HOXC5: variants seen among roughly 807,000 people sequenced by gnomAD.
The protein encoded by HOXC5 is homeobox C5.
Under a neutral mutation model 20.1 loss-of-function variants are expected in HOXC5, and 19 were observed. That is an observed-to-expected ratio of 0.94 (90% CI 0.66 to 1.38). The LOEUF (loss-of-function observed/expected upper bound fraction) is 1.38. HOXC5 is among the 40% of genes most tolerant of loss of function. HOXC5 has a pLI of 0.00. For synonymous variants in HOXC5, 124 were observed against 117.0 expected (o/e 1.06, Z -0.39); for missense variants, 330 against 300.1 (o/e 1.10, Z -0.74).
At chr12:54,031,964 C>T (rs1941003962), upstream of HOXC5, among the ~76,000 whole-genome samples, 1 of 152,198 alleles carries the variant, frequency 6.6e-6, no homozygotes, top group African/African-American at 2.4e-5. Context: ...GAGACCTTTT[C>T]CCCAAAGGGC....
upstream of HOXC5, among the ~76,000 whole-genome samples, chr12:54,032,365 C>A (rs757490959): frequency 1.6e-4 from 24 of 152,272 alleles, no homozygotes; most frequent in Non-Finnish European, 3.2e-4. Context: ...ATTCTACTTT[C>A]TCTTGCTGAT....
In HOXC5 at chr12:54,033,215, A is replaced by G. The variant is rs1293727492; in HGVS notation, c.93A>G (p.Ser31=). The G allele has an allele frequency of 6.2e-7, 1 of 1,614,198 alleles. No individual in the cohort carries two copies. The highest frequency in any genetic ancestry group is 2.2e-5 in the East Asian group (1 of 44,882). The part of the protein sequence containing the change: ...MQTCGNYGSA[S]EVQASRYCYG... ...CTTGTGGGAACTATGGATCGGCCTC[A>G]GAGGTGCAGGCATCCAGGTACTGCT... The change falls in exon 1 of 2, where the codon TCA becomes TCG. Residue 31 remains serine (S), a synonymous_variant. Coordinates refer to ENST00000312492, the MANE Select transcript of HOXC5 (RefSeq NM_018953.4).
chr12:54,018,486 G>T, the HOXC5 span, among the ~76,000 whole-genome samples: 1 of 152,232 alleles, frequency 6.6e-6, no homozygotes, highest in Non-Finnish European at 1.5e-5. Context: ...AGCCTGGGGC[G>T]GCGGGAGGGT....
the HOXC5 span, among the ~76,000 whole-genome samples, chr12:54,018,004 G>A: frequency 6.6e-6 from 1 of 152,240 alleles, no homozygotes; most frequent in Non-Finnish European, 1.5e-5. Flanking sequence ...CAGCTAGGCG[G>A]CCGGCGGGGC....
the HOXC5 span, among the ~76,000 whole-genome samples, chr12:54,027,496 A>C: frequency 3.9e-5 from 6 of 152,156 alleles, no homozygotes; most frequent in Admixed American, 1.3e-4. Context: ...CCAAATAATA[A>C]ATTCTCACCA....
At chr12:54,025,113 T>C in the HOXC5 span, among the ~76,000 whole-genome samples, 2 of 152,188 alleles carry the variant, frequency 1.3e-5, no homozygotes, top group Non-Finnish European at 1.5e-5. Context: ...TGGGGGGTAG[T>C]GTTCTCTGAT....
At chr12:54,034,013 G>C (rs539020510) in intron 1 of HOXC5, 2 of 665,696 alleles carry the variant, frequency 3.0e-6, no homozygotes, top group South Asian at 1.5e-5. Context: ...TGTTCGGTCC[G>C]AGCCTGGGTC....
chr12:54,034,835 G>A lies in HOXC5; in HGVS notation c.*343G>A. ...TATCTCCGGCTCCCAGCCTCAGCGC[G>A]GCCCTCCCGAGTTAAGGTGGGCCCG... On this transcript the variant is annotated 3_prime_UTR_variant, in exon 2 of 2. Transcript: ENST00000312492. 1 of 313,826 alleles carries A rather than the reference G, an allele frequency of 3.2e-6. No individual in the cohort carries two copies. Among genetic ancestry groups the A allele is most frequent in the South Asian group, 3.4e-5 (1 of 29,644 alleles). 19.4% of individuals were successfully genotyped at this position (313,826 alleles called of 1,614,324 possible).
At chr12:54,034,238 A>C in intron 1 of HOXC5, 40 bp from the exon 2 acceptor site, 1 of 1,534,712 alleles carries the variant, frequency 6.5e-7, no homozygotes, top group Non-Finnish European at 9.0e-7. Context: ...GCTGCAAGCT[A>C]TTCACCCCTT....
intron 1 of HOXC5, 49 bp from the exon 2 acceptor site, chr12:54,034,229 C>G (rs778947131): frequency 3.0e-5 from 46 of 1,520,578 alleles, no homozygotes; most frequent in Non-Finnish European, 4.2e-5. Flanking sequence ...CGGGGGAACG[C>G]TGCAAGCTAT....
rs776825391 is a variant in HOXC5, at chr12:54,033,354, G to A, written c.232G>A (p.Ala78Thr). Residue 78 changes from alanine (A) to threonine (T), a missense_variant, in exon 1 of 2, where the codon GCC (alanine) becomes ACC (threonine). Physicochemically the swap from Ala to Thr is moderately conservative, Grantham distance 58. Transcript: ENST00000312492. ...TCACCCCGACCGCCCCGCCTGCAGC[G>A]CCGCGGCCGCTCCGGGACACGCTCC... is the stretch of plus-strand genomic sequence containing the variant. ...RAHPDRPACS[A>T]AAAPGHAPGR... The A allele has an allele frequency of 1.1e-5, 18 of 1,612,678 alleles. No homozygotes were observed. The highest frequency in any genetic ancestry group is 1.5e-5 in the Non-Finnish European group (18 of 1,179,352).
intron 1 of HOXC5, chr12:54,034,046 C>T (rs1264719268): frequency 7.1e-6 from 5 of 701,068 alleles, no homozygotes; most frequent in Admixed American, 2.0e-5. Flanking sequence ...CCAACCCCCC[C>T]TCAGCCCCTC....
At chr12:54,025,055 G>T in the HOXC5 span, among the ~76,000 whole-genome samples, 1 of 152,142 alleles carries the variant, frequency 6.6e-6, no homozygotes, top group African/African-American at 2.4e-5. Context: ...GATTTGGGAG[G>T]CTAAGGGGCC....
At position 54,033,491 on chromosome 12, in the gene HOXC5, G is replaced by T. The variant is rs1183131987; in HGVS notation, c.369G>T (p.Ala123=). Residue 123 remains alanine (A), a synonymous_variant, in exon 1 of 2, where the codon GCG becomes GCT. Coordinates refer to ENST00000312492, the MANE Select transcript of HOXC5 (RefSeq NM_018953.4). ...GTGGGGAGATCAAAGAGGAGCAGGC[G>T]CAGACAGGGCAGCCCGCCGGACTGA... ...KSSGEIKEEQ[A]QTGQPAGLSQ... The T allele has an allele frequency of 2.1e-5, 33 of 1,591,626 alleles. No homozygotes were observed. The highest frequency in any genetic ancestry group is 2.7e-5 in the Non-Finnish European group (32 of 1,172,574).
the HOXC5 span, among the ~76,000 whole-genome samples, chr12:54,019,735 C>CTAT: frequency 3.3e-5 from 5 of 152,154 alleles, no homozygotes; most frequent in Admixed American, 3.3e-4. Flanking sequence ...AACGACCTCA[C>CTAT]TGAGTGTACC....
At chr12:54,022,519 C>T in the HOXC5 span, 12 of 152,280 alleles carry the variant, frequency 7.9e-5, no homozygotes, top group Admixed American at 5.2e-4. Context: ...CAGTCTCTCT[C>T]TCTCTCTTTT....
chr12:54,019,582 G>T, the HOXC5 span, among the ~76,000 whole-genome samples: 1 of 152,160 alleles, frequency 6.6e-6, no homozygotes, highest in Admixed American at 6.5e-5. Flanking sequence ...GGGAACACAA[G>T]TGTCCTTTGT....
chr12:54,030,004 C>T (rs1230627922), upstream of HOXC5: 9 of 1,455,344 alleles, frequency 6.2e-6, no homozygotes, highest in African/African-American at 5.7e-5. Flanking sequence ...TTCTCCCTCG[C>T]TCCCCACCAA....
the HOXC5 span, among the ~76,000 whole-genome samples, chr12:54,025,945 C>T: frequency 2.0e-5 from 3 of 152,148 alleles, no homozygotes; most frequent in Non-Finnish European, 4.4e-5. Context: ...TTCCCTCCCC[C>T]ACCCAGACAT....
Sources: gnomAD v4.1 joint callset for allele counts (sites outside exome capture counted in the v4.1 genomes callset) on GRCh38, gnomAD v4.1.1 for gene constraint, MANE v1.5 for transcripts, NCBI Gene and HGNC (gene_info 2026-07-23, HGNC 2026-07-21) for gene names.